Variants in CACNA1E observed in about 807,000 individuals in gnomAD.
CACNA1E encodes the protein calcium voltage-gated channel subunit alpha1 E, also known as voltage-dependent R-type calcium channel subunit alpha-1E.
CACNA1E carries 40 observed loss-of-function variants against 259.2 expected under a neutral mutation model. That is an observed-to-expected ratio of 0.15 (90% CI 0.12 to 0.20). The LOEUF is 0.20. Among genes scored for constraint, CACNA1E ranks in the 10% least tolerant of loss-of-function variants. The pLI is 1.00. For synonymous variants in CACNA1E, 1,104 were observed against 1,138.5 expected (o/e 0.97, Z 0.61); for missense variants, 1,874 against 3,040.1 (o/e 0.62, Z 9.02).
chr1:181,772,622 C>G (rs1572859321), intron 37 of CACNA1E, among the ~76,000 whole-genome samples: 1 of 152,000 alleles, frequency 6.6e-6, no homozygotes, highest in East Asian at 1.9e-4. Context: ...CTTATAAGTA[C>G]GTCTATGGAT....
intron 1 of CACNA1E, among the ~76,000 whole-genome samples, chr1:181,373,893 T>C (rs2609497): frequency 0.61 from 92,353 of 152,032 alleles, 29,831 homozygotes; most frequent in African/African-American, 0.84. Flanking sequence ...GAAGTCCTCT[T>C]TTTTTCTTTA....
At chr1:181,488,030 A>G (rs1663997445) in intron 1 of CACNA1E, among the ~76,000 whole-genome samples, 1 of 152,238 alleles carries the variant, frequency 6.6e-6, no homozygotes, top group Non-Finnish European at 1.5e-5. Flanking sequence ...TTCTTATTGT[A>G]GAGAATTTCA....
rs146757754 is a variant in CACNA1E, at chr1:181,463,564, T to C, written c.435-20180T>C. Among the ~76,000 whole-genome samples, 334 of 152,286 alleles carry C rather than the reference T, an allele frequency of 2.2e-3. 2 individuals are homozygous for C. The highest frequency in any genetic ancestry group is 7.7e-3 in the African/African-American group (319 of 41,590). Reference sequence around the variant, plus strand: ...CATTAATTGCACTTTCCCTGATTACTAATGAAATTGAGCACTGAACATATG... The same window carrying C: ...CATTAATTGCACTTTCCCTGATTACCAATGAAATTGAGCACTGAACATATG... On this transcript the variant is annotated intron_variant, in intron 2 of 11. Coordinates refer to the CACNA1E transcript ENST00000524607.
At chr1:181,706,215 G>A (rs78311700) in intron 7 of CACNA1E, among the ~76,000 whole-genome samples, 18,779 of 152,134 alleles carry the variant, frequency 0.12, 1,272 homozygotes, top group Admixed American at 0.18. Context: ...ATAGTGCCCT[G>A]CTATGAGCTG....
intron 3 of CACNA1E, among the ~76,000 whole-genome samples, chr1:181,516,900 G>A (rs997716444): frequency 1.1e-4 from 17 of 152,164 alleles, no homozygotes; most frequent in African/African-American, 3.6e-4. Flanking sequence ...CCTTTACTGC[G>A]GAGCACATGG....
chr1:181,335,042 C>T (rs1651588226), intron 1 of CACNA1E, among the ~76,000 whole-genome samples: 1 of 152,226 alleles, frequency 6.6e-6, no homozygotes, highest in Admixed American at 6.5e-5. Context: ...TAGACTTGCT[C>T]TTCCCTCTGG....
intron 1 of CACNA1E, among the ~76,000 whole-genome samples, chr1:181,382,731 G>A (rs1655543452): frequency 1.3e-5 from 2 of 152,150 alleles, no homozygotes; most frequent in Non-Finnish European, 2.9e-5. Context: ...GTCCTTTAAA[G>A]CTTCCCGTGT....
In CACNA1E at chr1:181,758,123, G is replaced by A. The variant is rs1455333614; in HGVS notation, c.4494+12G>A. 3.1e-6 allele frequency: 5 copies of A among 1,611,492 alleles called. No individual in the cohort carries two copies. The highest frequency in any genetic ancestry group is 3.4e-6 in the Non-Finnish European group (4 of 1,178,556). On this transcript the variant is annotated intron_variant, in intron 31 of 47. Transcript: ENST00000367573. This position sits in a 1 kb window ranked among gnomAD's most constrained non-coding sequence, Gnocchi z 4.2. ...TGCTGATGATGAAGGTGAGAGGAGA[G>A]AGGCACAAGAGCCGACTGAGCCCCA...
chr1:181,673,528 C>T (rs1300994649), intron 7 of CACNA1E, among the ~76,000 whole-genome samples: 6 of 152,320 alleles, frequency 3.9e-5, no homozygotes, highest in Admixed American at 3.3e-4. Flanking sequence ...TTGTGGAGCA[C>T]CTACTATGTG....
At chr1:181,611,190 C>T (rs1252259757) in intron 6 of CACNA1E, among the ~76,000 whole-genome samples, 3 of 152,162 alleles carry the variant, frequency 2.0e-5, no homozygotes, top group South Asian at 2.1e-4. Flanking sequence ...TAGAACCTTT[C>T]GTAAAATTCT....
intron 4 of CACNA1E, among the ~76,000 whole-genome samples, chr1:181,578,723 ATC>A (rs1173138527): frequency 2.6e-5 from 4 of 152,226 alleles, no homozygotes; most frequent in Admixed American, 2.0e-4. Flanking sequence ...CTTTATTCAA[ATC>A]TCTGACTGTT....
At position 181,359,278 on chromosome 1, in the gene CACNA1E, C is replaced by T. The variant is rs188476112; in HGVS notation, c.-15+41155C>T. On this transcript the variant is annotated intron_variant, in intron 1 of 11. Coordinates refer to the CACNA1E transcript ENST00000524607. ...ACAAATAAGTACAAGGCAAAGTGTA[C>T]AGCATGCTAAGGGAACAGAGGGGAG... 1.9e-3 allele frequency among the ~76,000 whole-genome samples: 282 copies of T among 152,244 alleles called. 1 individual carries two copies. Among genetic ancestry groups the T allele is most frequent in the African/African-American group, 6.5e-3 (270 of 41,532 alleles).
At chr1:181,561,330 AT>A (rs1649303657) in intron 3 of CACNA1E, among the ~76,000 whole-genome samples, 1 of 152,186 alleles carries the variant, frequency 6.6e-6, no homozygotes, top group South Asian at 2.1e-4. Flanking sequence ...AGCAAAATCC[AT>A]TCTTCTTAGA....
Position 181,485,078 on chromosome 1 carries a change from T to C in CACNA1E, c.266+1068T>C, listed in dbSNP as rs1663672716. Among the ~76,000 whole-genome samples, 1 of 152,142 alleles carries C rather than the reference T, an allele frequency of 6.6e-6. No individual in the cohort carries two copies. The highest frequency in any genetic ancestry group is 1.5e-5 in the Non-Finnish European group (1 of 68,016). ...GGGGTGGTGAGGCAGTGAAGGGGAT[T>C]AGTAGGAGGCAAGCTAGTGGTCTGG... On this transcript the variant is annotated intron_variant, in intron 1 of 47. Transcript: ENST00000367573. The surrounding 1 kb of genome is among the most constrained non-coding windows in gnomAD (Gnocchi z 4.2).
intron 2 of CACNA1E, among the ~76,000 whole-genome samples, chr1:181,467,563 T>A (rs184797162): frequency 6.6e-6 from 1 of 152,326 alleles, no homozygotes; most frequent in African/African-American, 2.4e-5. Flanking sequence ...CCCTTCAGAC[T>A]CTGCTGTCCC....
In CACNA1E at chr1:181,550,507, A is replaced by G. The variant is rs888779731; in HGVS notation, c.513-27259A>G. On this transcript the variant is annotated intron_variant, in intron 3 of 47. Coordinates refer to ENST00000367573, the MANE Select transcript of CACNA1E (RefSeq NM_001205293.3). ...CCAAGAGGCCCTGAATCAAATGGGT[A>G]TGGAAAATATGGAGGGCCTGGGATG... 6.6e-5 allele frequency among the ~76,000 whole-genome samples: 10 copies of G among 152,106 alleles called. 1 individual carries two copies. In the East Asian group the frequency reaches 9.7e-4, roughly 15 times the overall value.
intron 8 of CACNA1E, among the ~76,000 whole-genome samples, chr1:181,711,467 CCAAA>C (rs1471103822): frequency 6.6e-6 from 1 of 152,126 alleles, no homozygotes; most frequent in East Asian, 1.9e-4. Context: ...TGGCAGTGAG[CCAAA>C]CAGTCAACCA....
chr1:181,475,844 T>C (rs774413556), intron 2 of CACNA1E, among the ~76,000 whole-genome samples: 12 of 152,314 alleles, frequency 7.9e-5, no homozygotes, highest in East Asian at 3.9e-4. Flanking sequence ...CCTAACTTCA[T>C]TGGACACCTG....
At chr1:181,367,322 A>G (rs1215451207) in intron 1 of CACNA1E, among the ~76,000 whole-genome samples, 1 of 151,382 alleles carries the variant, frequency 6.6e-6, no homozygotes, top group African/African-American at 2.4e-5. Flanking sequence ...CTCCTTTCAA[A>G]CTAATTTTTT....
Sources: gnomAD v4.1 joint callset for allele counts (sites outside exome capture counted in the v4.1 genomes callset) on GRCh38, gnomAD v4.1.1 for gene constraint, Gnocchi (gnomAD v3.1) non-coding constraint, MANE v1.5 for transcripts, NCBI Gene and HGNC (gene_info 2026-07-23, HGNC 2026-07-21) for gene names.